Variants in ATIC observed in about 807,000 individuals in gnomAD.
ATIC encodes the protein 5-aminoimidazole-4-carboxamide ribonucleotide formyltransferase/IMP cyclohydrolase.
A neutral mutation model predicts 72.5 loss-of-function variants in ATIC; 64 were observed. The observed-to-expected ratio is 0.88, with a 90% CI of 0.72 to 1.09. The LOEUF (loss-of-function observed/expected upper bound fraction) is 1.09. Among genes scored for constraint, ATIC ranks in the 50% least tolerant of loss-of-function variants. The pLI, the probability that ATIC is intolerant of heterozygous loss-of-function variation, is 0.00. For synonymous variants in ATIC, 281 were observed against 267.1 expected, an observed-to-expected ratio of 1.05 and a Z score of -0.51; for missense variants, 787 against 732.4, an observed-to-expected ratio of 1.07 and a Z score of -0.86.
In ATIC at chr2:215,312,098, C is replaced by A; in HGVS notation, c.-45C>A. 1 of 1,492,594 alleles carries A rather than the reference C, an allele frequency of 6.7e-7. No homozygotes were observed. The highest frequency in any genetic ancestry group is 9.0e-7 in the Non-Finnish European group (1 of 1,114,842). 92.5% of individuals were successfully genotyped at this position (1,492,594 alleles called of 1,614,324 possible). A position where few individuals can be genotyped will look rare whatever the true frequency, so the allele number is the denominator to read the frequency against. ...GCCCTCCTACCTGCGCACGTGGTGC[C>A]GCCGCTGCTGCCTCCCGCTCGCCCT... On this transcript the variant is annotated 5_prime_UTR_variant, in exon 1 of 16. Coordinates refer to ENST00000236959, the MANE Select transcript of ATIC (RefSeq NM_004044.7).
At position 215,312,489 on chromosome 2, in the gene ATIC, C is replaced by A. The variant is rs370092739; in HGVS notation, c.20-9C>A. 1 of 1,614,230 alleles carries A rather than the reference C, an allele frequency of 6.2e-7. No homozygotes were observed. Among genetic ancestry groups the A allele is most frequent in the South Asian group, 1.1e-5 (1 of 91,082 alleles). On this transcript the variant is annotated splice_polypyrimidine_tract_variant and intron_variant, in intron 1 of 15. Transcript: ENST00000236959. ...TGCGAATCATGAGAAAAAATGTCTTCTCTTTCAGCCTTATTTAGTGTCTCT... is the reference window on the plus strand; with the variant it reads ...TGCGAATCATGAGAAAAAATGTCTTATCTTTCAGCCTTATTTAGTGTCTCT...
the ATIC span, chr2:215,367,761 G>A: frequency 2.6e-6 from 3 of 1,159,870 alleles, no homozygotes; most frequent in Admixed American, 5.4e-5. Context: ...CTTCATGTTT[G>A]GAAGAACCTG....
chr2:215,364,930 C>T, the ATIC span: 1 of 1,577,938 alleles, frequency 6.3e-7, no homozygotes, highest in South Asian at 1.2e-5. Flanking sequence ...GATATTCCTT[C>T]TGCCACTGTT....
At chr2:215,361,562 C>T in the ATIC span, 59 of 1,603,170 alleles carry the variant, frequency 3.7e-5, no homozygotes, top group African/African-American at 5.3e-4. Context: ...GATTTACTCT[C>T]GGGAATCTTC....
rs2052986628 is a variant in ATIC at position 215,338,919 on chromosome 2, A to G, written c.1227+12A>G. On this transcript the variant is annotated intron_variant, in intron 12 of 15. Transcript: ENST00000236959. Reference sequence around the variant, plus strand: ...CCAAAAATAAAGATGTAAGTTGGGAAGTATCTGAACTGACTGCTAGTAACT... The same window carrying G: ...CCAAAAATAAAGATGTAAGTTGGGAGGTATCTGAACTGACTGCTAGTAACT... 1.9e-6 allele frequency: 3 copies of G among 1,612,516 alleles called. No homozygotes were observed. In the African/African-American group the frequency reaches 4.0e-5, roughly 22 times the overall value.
At position 215,312,101 on chromosome 2, in the gene ATIC, C is replaced by A. The variant is rs28366035; in HGVS notation, c.-42C>A. On this transcript the variant is annotated 5_prime_UTR_variant, in exon 1 of 16. Transcript: ENST00000236959. ...CTCCTACCTGCGCACGTGGTGCCGC[C>A]GCTGCTGCCTCCCGCTCGCCCTGAA... is the stretch of plus-strand genomic sequence containing the variant. The A allele has an allele frequency of 2.0e-6, 3 of 1,529,756 alleles. No homozygotes were observed. The highest frequency in any genetic ancestry group is 1.2e-5 in the South Asian group (1 of 83,162). 94.8% of individuals were successfully genotyped at this position (1,529,756 alleles called of 1,614,324 possible).
intron 12 of ATIC, among the ~76,000 whole-genome samples, chr2:215,343,156 CTTTT>C: frequency 7.1e-6 from 1 of 140,826 alleles, no homozygotes; most frequent in East Asian, 2.1e-4. Flanking sequence ...GGTATTGCTA[CTTTT>C]TTTTTTTTTT....
intron 2 of ATIC, among the ~76,000 whole-genome samples, chr2:215,313,904 C>T (rs1209861475): frequency 6.6e-6 from 1 of 152,166 alleles, no homozygotes; most frequent in Admixed American, 6.5e-5. Context: ...AATTCAAAGT[C>T]CAGACCTGCG....
At chr2:215,349,881 C>T (rs2053116381), downstream of ATIC, 2 of 716,712 alleles carry the variant, frequency 2.8e-6, no homozygotes, top group South Asian at 3.6e-5. Context: ...GGAGCTCAGC[C>T]CATCCCACAG....
At chr2:215,338,696 A>G (rs899108058) in intron 11 of ATIC, 83 bp from the exon 12 acceptor site, 36 of 1,438,030 alleles carry the variant, frequency 2.5e-5, no homozygotes, top group Non-Finnish European at 3.1e-5. Context: ...TTTACTTACA[A>G]TGAAATCTTT....
chr2:215,324,036 G>A (rs1010829700), intron 4 of ATIC, among the ~76,000 whole-genome samples: 8 of 151,634 alleles, frequency 5.3e-5, no homozygotes, highest in African/African-American at 1.5e-4. Flanking sequence ...TGCTGGGATT[G>A]CAGGCGTGCG....
At chr2:215,358,869 C>A in the ATIC span, among the ~76,000 whole-genome samples, 1 of 152,166 alleles carries the variant, frequency 6.6e-6, no homozygotes, top group African/African-American at 2.4e-5. Context: ...ACTGTATTTG[C>A]CTAAACTGCA....
At chr2:215,317,661 A>G (rs2052724687) in intron 2 of ATIC, among the ~76,000 whole-genome samples, 2 of 151,526 alleles carry the variant, frequency 1.3e-5, no homozygotes, top group African/African-American at 2.4e-5. Context: ...AATTTTTTGT[A>G]TTTTTTTAGT....
At chr2:215,347,934 G>A (rs1327631057) in intron 14 of ATIC, among the ~76,000 whole-genome samples, 1 of 152,126 alleles carries the variant, frequency 6.6e-6, no homozygotes, top group African/African-American at 2.4e-5. Flanking sequence ...AGGCTGTGAA[G>A]TCCCAGATCA....
At chr2:215,336,939 GTC>G (rs2052962368) in intron 11 of ATIC, among the ~76,000 whole-genome samples, 1 of 152,166 alleles carries the variant, frequency 6.6e-6, no homozygotes, top group Admixed American at 6.5e-5. Flanking sequence ...CTTTTAAAAA[GTC>G]TCTGCAGTTA....
At chr2:215,312,416 T>C in intron 1 of ATIC, 82 bp from the exon 2 acceptor site, 1 of 1,609,152 alleles carries the variant, frequency 6.2e-7, no homozygotes, top group Non-Finnish European at 8.5e-7. Flanking sequence ...TTCGAGAATC[T>C]CCTCCCCCAG....
intron 4 of ATIC, 61 bp downstream of exon 4, chr2:215,319,792 C>G (rs1329666169): frequency 7.7e-7 from 1 of 1,304,370 alleles, no homozygotes; most frequent in Non-Finnish European, 1.1e-6. Flanking sequence ...CTATGCCAAA[C>G]CTGGTGTCCC....
At chr2:215,366,499 T>C in the ATIC span, among the ~76,000 whole-genome samples, 1 of 152,216 alleles carries the variant, frequency 6.6e-6, no homozygotes, top group Admixed American at 6.5e-5. Context: ...AAATCATTGG[T>C]TATTATCCAC....
At position 215,334,899 on chromosome 2, in the gene ATIC, CATTTT is replaced by C. The variant is rs2052938175; in HGVS notation, c.923-18_923-14del. The C allele has an allele frequency of 6.3e-7, 1 of 1,595,412 alleles. No individual in the cohort carries two copies. Among genetic ancestry groups the C allele is most frequent in the Middle Eastern group, 1.7e-4 (1 of 6,016 alleles). ...TCAGGATACTTTGTGATAAATACCT[CATTTT>C]AATTTTATTTACAGGGGCTGATAGG... On this transcript the variant is annotated splice_polypyrimidine_tract_variant and intron_variant, in intron 9 of 15. Coordinates refer to ENST00000236959, the MANE Select transcript of ATIC (RefSeq NM_004044.7).
Sources: gnomAD v4.1 joint callset for allele counts (sites outside exome capture counted in the v4.1 genomes callset) on GRCh38, gnomAD v4.1.1 for gene constraint, MANE v1.5 for transcripts, NCBI Gene and HGNC (gene_info 2026-07-23, HGNC 2026-07-21) for gene names.